The following DDX23 variants were observed in gnomAD, a reference collection of about 807,000 sequenced individuals.
DDX23 encodes DEAD-box helicase 23.
Under a neutral mutation model 102.7 loss-of-function variants are expected in DDX23, and 33 were observed. The ratio of observed to expected loss-of-function variants is 0.32; its 90% CI spans 0.24 to 0.43. DDX23 has a LOEUF of 0.43. DDX23 is among the 20% of genes least tolerant of loss of function. DDX23 has a pLI of 1.00. For missense variants in DDX23, 549 were observed against 1,086.6 expected (o/e 0.51, Z 6.96); for synonymous variants, 352 against 376.0 (o/e 0.94, Z 0.74).
At chr12:48,837,710 G>C in intron 6 of DDX23, 53 bp from the exon 7 acceptor site, 5 of 1,601,626 alleles carry the variant, frequency 3.1e-6, no homozygotes, top group Non-Finnish European at 4.3e-6. Flanking sequence ...GAAAAGAGGA[G>C]AGGGAATGGA....
chr12:48,845,865 A>C, intron 1 of DDX23, 83 bp from the exon 2 acceptor site: 4 of 1,383,614 alleles, frequency 2.9e-6, no homozygotes, highest in Non-Finnish European at 4.0e-6. Flanking sequence ...CCTCAAAACA[A>C]CCCTATGAGG....
rs1451319236 is a variant in DDX23, at chr12:48,840,007, C to G, written c.414+6G>C. ...GAAGATGAAAAATATCCTTCCTCTCCTTTACCTTAGGCTTCTTATCACCAT... is the reference window on the plus strand; with the variant it reads ...GAAGATGAAAAATATCCTTCCTCTCGTTTACCTTAGGCTTCTTATCACCAT... On this transcript the variant is annotated splice_donor_region_variant and intron_variant, in intron 4 of 16. Coordinates refer to ENST00000308025, the MANE Select transcript of DDX23 (RefSeq NM_004818.3). The G allele has an allele frequency of 6.2e-7, 1 of 1,613,562 alleles. No homozygotes were observed. The highest frequency in any genetic ancestry group is 8.5e-7 in the Non-Finnish European group (1 of 1,179,574).
chr12:48,839,748 CTG>C (rs1938519790), intron 5 of DDX23, 94 bp downstream of exon 5: 1 of 1,283,084 alleles, frequency 7.8e-7, no homozygotes, highest in Non-Finnish European at 1.1e-6. Context: ...GCCTCCAGAA[CTG>C]TGAGAAAATT....
intron 2 of DDX23, among the ~76,000 whole-genome samples, chr12:48,844,645 T>TG (rs1938632926): frequency 6.7e-6 from 1 of 150,128 alleles, no homozygotes. Flanking sequence ...TTTTTTTTTT[T>TG]TATTTTTAGT....
At chr12:48,841,172 G>T (rs1241752324) in intron 3 of DDX23, among the ~76,000 whole-genome samples, 1 of 151,990 alleles carries the variant, frequency 6.6e-6, no homozygotes, top group Non-Finnish European at 1.5e-5. Context: ...GATCACCTAA[G>T]GTCAAGAGTT....
Position 48,832,493 on chromosome 12 carries a change from G to A in DDX23, c.1884C>T (p.Tyr628=), listed in dbSNP as rs1938405571. 1.9e-6 allele frequency: 3 copies of A among 1,614,180 alleles called. No individual in the cohort carries two copies. Among genetic ancestry groups the A allele is most frequent in the Non-Finnish European group, 2.5e-6 (3 of 1,180,042 alleles). ...CATGGGGCTTGCCTGCGGAGCCAAT[G>A]TACACCACAGCAGGTCGCCGAAGAT... is the stretch of plus-strand genomic sequence containing the variant. The part of the protein sequence containing the change: ...RSYLRRPAVV[Y]IGSAGKPHER... The change falls in exon 14 of 17, where the codon TAC becomes TAT. Residue 628 remains tyrosine (Y), a synonymous_variant. Transcript: ENST00000308025. The surrounding 1 kb of genome is among the most constrained non-coding windows in gnomAD (Gnocchi z 4.4).
intron 5 of DDX23, among the ~76,000 whole-genome samples, chr12:48,839,141 T>C (rs1938507885): frequency 6.6e-6 from 1 of 152,134 alleles, no homozygotes. Context: ...TTCCAAAGTA[T>C]TGGGATTACA....
chr12:48,839,558 CAAAAAAAAAAAAA>C (rs35663911), intron 5 of DDX23: 4 of 73,138 alleles, frequency 5.5e-5, no homozygotes, highest in Admixed American at 3.6e-4. Context: ...GACTCTGTCT[CAAAAAAAAAAAAA>C]AAAAAAAAAA....
chr12:48,847,185 T>C (rs1317486827), intron 1 of DDX23: 1 of 152,242 alleles, frequency 6.6e-6, no homozygotes, highest in East Asian at 1.9e-4. Flanking sequence ...AAATGACTGA[T>C]TGTTCTGTAT....
chr12:48,843,783 C>T (rs1047465848), intron 3 of DDX23, among the ~76,000 whole-genome samples, 157 bp downstream of exon 3: 9 of 152,052 alleles, frequency 5.9e-5, no homozygotes, highest in Non-Finnish European at 8.8e-5. Flanking sequence ...CTCCTGACTT[C>T]GTGATCCACC....
rs1938468214 is a variant in DDX23, at chr12:48,836,399, A to G, written c.1237-133T>C. ...ACAGTTCACAGAAATAGGGACCCCA[A>G]GAAGAAACCTAATCACTAAAAGCCA... On this transcript the variant is annotated intron_variant, in intron 10 of 16. Transcript: ENST00000308025. This position sits in a 1 kb window ranked among gnomAD's most constrained non-coding sequence, Gnocchi z 6.1. 3 of 1,282,196 alleles carry G rather than the reference A, an allele frequency of 2.3e-6. No homozygotes were observed. Among genetic ancestry groups the G allele is most frequent in the African/African-American group, 1.5e-5 (1 of 67,296 alleles). The allele number at this position is 1,282,196 out of a possible 1,614,324, so 79.4% of individuals were successfully genotyped here. A position where few individuals can be genotyped will look rare whatever the true frequency, so the allele number is the denominator to read the frequency against.
chr12:48,847,319 A>T (rs1008981931), intron 1 of DDX23: 2 of 152,188 alleles, frequency 1.3e-5, no homozygotes, highest in African/African-American at 4.8e-5. Context: ...GATTGAGACC[A>T]TCCTGGCCAA....
rs758058547 is a variant in DDX23 at position 48,837,670 on chromosome 12, G to C, written c.620-13C>G. Reference sequence around the variant, plus strand: ...TCCTGAGGATCTTCTGCAGACCAAAGAAAGCAAAGCTGCAGAAGAGCTCAT... The same window carrying C: ...TCCTGAGGATCTTCTGCAGACCAAACAAAGCAAAGCTGCAGAAGAGCTCAT... On this transcript the variant is annotated splice_polypyrimidine_tract_variant and intron_variant, in intron 6 of 16. Transcript: ENST00000308025. 6.2e-7 allele frequency: 1 copy of C among 1,613,958 alleles called. No individual in the cohort carries two copies.
chr12:48,840,158 G>A lies in DDX23; in HGVS notation c.321-52C>T, dbSNP rs1486244915. Reference sequence around the variant, plus strand: ...ATCACTCTTACTTCAGTGCCTGGATGAGGTTCAAGTTGAGCCCCGAAAAGA... The same window carrying A: ...ATCACTCTTACTTCAGTGCCTGGATAAGGTTCAAGTTGAGCCCCGAAAAGA... On this transcript the variant is annotated intron_variant, in intron 3 of 16. Transcript: ENST00000308025. 20 of 1,442,688 alleles carry A rather than the reference G, an allele frequency of 1.4e-5. No individual in the cohort carries two copies. In the East Asian group the frequency reaches 4.3e-4, roughly 31 times the overall value. 89.4% of individuals were successfully genotyped at this position (1,442,688 alleles called of 1,614,324 possible).
Position 48,838,083 on chromosome 12 carries a change from A to G in DDX23, c.481-3T>C, listed in dbSNP as rs1938491592. On this transcript the variant is annotated splice_region_variant and splice_polypyrimidine_tract_variant and intron_variant, in intron 5 of 16. Coordinates refer to ENST00000308025, the MANE Select transcript of DDX23 (RefSeq NM_004818.3). ...TCTGCTTTAGAGAGGAACTTGGGCT[A>G]CAAAAGAGATTGGAACTGTCAACAA... 6.2e-7 allele frequency: 1 copy of G among 1,614,180 alleles called. No individual in the cohort carries two copies. The highest frequency in any genetic ancestry group is 8.5e-7 in the Non-Finnish European group (1 of 1,180,026).
intron 2 of DDX23, among the ~76,000 whole-genome samples, chr12:48,844,404 G>A (rs1041599543): frequency 2.0e-5 from 3 of 151,892 alleles, no homozygotes; most frequent in East Asian, 1.9e-4. Context: ...TCAGCCTCCC[G>A]AGTAGCTGGG....
In DDX23 at chr12:48,832,605, A is replaced by C; in HGVS notation, c.1804-32T>G. The C allele has an allele frequency of 6.2e-7, 1 of 1,608,212 alleles. No homozygotes were observed. Among genetic ancestry groups the C allele is most frequent in the Non-Finnish European group, 8.5e-7 (1 of 1,175,522 alleles). On this transcript the variant is annotated intron_variant, in intron 13 of 16. Transcript: ENST00000308025. This position sits in a 1 kb window ranked among gnomAD's most constrained non-coding sequence, Gnocchi z 4.4. ...AAACAGGAGGCTCAGCCCTGCACCC[A>C]GGCAGGAATAATCATATATCCCACT...
rs946184916 is a variant in DDX23 at position 48,850,861 on chromosome 12, T to C, written c.-1+1223A>G. On this transcript the variant is annotated intron_variant, in intron 1 of 16. Coordinates refer to ENST00000308025, the MANE Select transcript of DDX23 (RefSeq NM_004818.3). ...CTTGACAAGAGCTGTTTCAGTTGCA[T>C]TGCGGGAATGGAAGCCTGAGTGGAA... 2.6e-5 allele frequency among the ~76,000 whole-genome samples: 4 copies of C among 152,314 alleles called. 1 individual carries two copies. The highest frequency in any genetic ancestry group is 2.0e-4 in the Admixed American group (3 of 15,296).
chr12:48,837,430 A>G lies in DDX23; in HGVS notation c.754-37T>C, dbSNP rs546319823. ...CAGAACACAAAGCACATGAGCTTTG[A>G]GGCCCAATTCTCACATGCAGAGATC... is the stretch of plus-strand genomic sequence containing the variant. On this transcript the variant is annotated intron_variant, in intron 7 of 16. Coordinates refer to ENST00000308025, the MANE Select transcript of DDX23 (RefSeq NM_004818.3). 51 of 1,612,578 alleles carry G rather than the reference A, an allele frequency of 3.2e-5. No homozygotes were observed. In the South Asian group the frequency reaches 5.2e-4, roughly 16 times the overall value.
Sources: allele counts gnomAD v4.1 joint callset (sites outside exome capture counted in the v4.1 genomes callset), GRCh38; gene constraint gnomAD v4.1.1; non-coding constraint Gnocchi (gnomAD v3.1); transcripts MANE v1.5; gene names NCBI Gene and HGNC (gene_info 2026-07-23, HGNC 2026-07-21).